The following TGS1 variants were observed in gnomAD, a reference collection of about 807,000 sequenced individuals.
TGS1 encodes trimethylguanosine synthase.
A neutral mutation model predicts 92.2 loss-of-function variants in TGS1; 69 were observed. The observed-to-expected ratio is 0.75, with a 90% CI of 0.62 to 0.91. The LOEUF (loss-of-function observed/expected upper bound fraction) is 0.91, where lower values mean the gene tolerates loss of function less well. Among genes scored for constraint, TGS1 ranks in the 40% least tolerant of loss-of-function variants. The probability of loss-of-function intolerance (pLI) is 0.00; values close to 1 mark genes in which losing one functional copy is unlikely to be tolerated. For synonymous variants in TGS1, 345 were observed against 338.1 expected, an observed-to-expected ratio of 1.02 and a Z score of -0.22; for missense variants, 1,062 against 1,001.2, an observed-to-expected ratio of 1.06 and a Z score of -0.82.
In TGS1 at chr8:55,777,609, G is replaced by A. The variant is rs183697543; in HGVS notation, c.101+3890G>A. Among the ~76,000 whole-genome samples, 472 of 151,334 alleles carry A rather than the reference G, an allele frequency of 3.1e-3. 4 individuals are homozygous for A. Among genetic ancestry groups the A allele is most frequent in the African/African-American group, 0.01 (418 of 41,206 alleles). On this transcript the variant is annotated intron_variant, in intron 1 of 12. Coordinates refer to ENST00000260129, the MANE Select transcript of TGS1 (RefSeq NM_024831.8). ...GGCTGGAGTGCAGTGGCATGATCTC[G>A]GCTCACTGCAACCTCTGCCTCCCAG...
intron 7 of TGS1, among the ~76,000 whole-genome samples, chr8:55,797,483 T>G (rs180750165): frequency 7.0e-4 from 107 of 152,320 alleles, no homozygotes; most frequent in African/African-American, 2.5e-3. Context: ...CAGCTTTATA[T>G]TATAAGCTTT....
rs1811835997 is a variant in TGS1 at position 55,790,186 on chromosome 8, A to G, written c.1167A>G (p.Ser389=). The change falls in exon 5 of 13, where the codon TCA becomes TCG. Residue 389 remains serine, a synonymous_variant. Transcript: ENST00000260129. ...NTNTDPPAED[S]QKSSGANTSK... ...GCAATATTTCTGCCTCTTTAGATTCACAGAAGTCTTCAGGAGCAAACACAA... is the reference window on the plus strand; with the variant it reads ...GCAATATTTCTGCCTCTTTAGATTCGCAGAAGTCTTCAGGAGCAAACACAA... 3.1e-6 allele frequency: 5 copies of G among 1,612,752 alleles called. No homozygotes were observed. In the African/African-American group the frequency reaches 6.7e-5, roughly 22 times the overall value.
At chr8:55,789,586 A>G (rs1372671673) in intron 4 of TGS1, among the ~76,000 whole-genome samples, 1 of 152,220 alleles carries the variant, frequency 6.6e-6, no homozygotes, top group Non-Finnish European at 1.5e-5. Context: ...TAAACCTGTT[A>G]AAAAACTTTA....
chr8:55,800,202 CAT>C (rs1432157848), intron 8 of TGS1, among the ~76,000 whole-genome samples: 2 of 151,768 alleles, frequency 1.3e-5, no homozygotes, highest in African/African-American at 4.8e-5. Context: ...CTTTTTATCA[CAT>C]ATTTCTTTAC....
chr8:55,798,901 C>T lies in TGS1; in HGVS notation c.1543-13C>T. The T allele has an allele frequency of 1.3e-6, 2 of 1,579,870 alleles. No individual in the cohort carries two copies. The highest frequency in any genetic ancestry group is 1.7e-6 in the Non-Finnish European group (2 of 1,163,472). On this transcript the variant is annotated splice_polypyrimidine_tract_variant and intron_variant, in intron 7 of 12. Transcript: ENST00000260129. ...AATTAATTCCTGCTCATGATGTCAT[C>T]TTAAAATTTAAGGTAGAAAAATTCC...
rs988913185 is a variant in TGS1 at position 55,811,020 on chromosome 8, C to G, written c.2283C>G (p.Phe761Leu). The G allele has an allele frequency of 3.7e-6, 6 of 1,613,988 alleles. No individual in the cohort carries two copies. In the African/African-American group the frequency reaches 8.0e-5, roughly 22 times the overall value. Residue 761 changes from phenylalanine to leucine, a missense_variant, in exon 11 of 13, where the codon TTC (phenylalanine) becomes TTG (leucine). Phe to Leu is a conservative substitution (Grantham distance 22, BLOSUM62 0). Transcript: ENST00000260129. Reference sequence around the variant, plus strand: ...CTTTTTTAAAGGCTGATGTTGTGTTCCTCAGCCCACCTTGGGGAGGGCCAG... The same window carrying G: ...CTTTTTTAAAGGCTGATGTTGTGTTGCTCAGCCCACCTTGGGGAGGGCCAG... ...LASFLKADVV[F>L]LSPPWGGPDY... is the part of the protein sequence containing the mutation.
At chr8:55,807,179 C>T (rs1290743571) in intron 10 of TGS1, among the ~76,000 whole-genome samples, 3 of 152,132 alleles carry the variant, frequency 2.0e-5, no homozygotes, top group Non-Finnish European at 2.9e-5. Context: ...CCTCCCGCCT[C>T]AGCCTCGCAA....
chr8:55,795,866 G>A, intron 6 of TGS1, 112 bp from the exon 7 acceptor site: 1 of 779,414 alleles, frequency 1.3e-6, no homozygotes, highest in Non-Finnish European at 2.1e-6. Context: ...TTTTAAAAAG[G>A]GAATTAAAAT....
At chr8:55,793,322 T>C (rs2130157966) in intron 6 of TGS1, among the ~76,000 whole-genome samples, 1 of 152,304 alleles carries the variant, frequency 6.6e-6, no homozygotes, top group Non-Finnish European at 1.5e-5. Context: ...GGAGACCCCA[T>C]CTCTACAACA....
rs1803563394 is a variant in TGS1, at chr8:55,819,153, G to A, written c.2440-5428G>A. ...GACAGGGTTTCACCATGTTGCCCAG[G>A]TTGGACTTCTAGGCTAAAGCAATCT... On this transcript the variant is annotated intron_variant, in intron 12 of 12. Coordinates refer to ENST00000260129, the MANE Select transcript of TGS1 (RefSeq NM_024831.8). 3.3e-5 allele frequency among the ~76,000 whole-genome samples: 5 copies of A among 152,240 alleles called. No homozygotes were observed. In the South Asian group the frequency reaches 1.0e-3, roughly 32 times the overall value.
At chr8:55,816,685 A>T (rs1803486197) in intron 12 of TGS1, among the ~76,000 whole-genome samples, 1 of 152,170 alleles carries the variant, frequency 6.6e-6, no homozygotes, top group African/African-American at 2.4e-5. Flanking sequence ...TCTGGCAGAC[A>T]TACTCCACCC....
intron 8 of TGS1, 84 bp downstream of exon 8, chr8:55,799,304 G>A (rs1405888106): frequency 3.1e-6 from 4 of 1,299,204 alleles, no homozygotes; most frequent in Non-Finnish European, 4.1e-6. Flanking sequence ...TTTCACTTGT[G>A]AATCTTCTGT....
chr8:55,806,342 G>A (rs1475528939), intron 10 of TGS1, among the ~76,000 whole-genome samples: 2 of 123,816 alleles, frequency 1.6e-5, no homozygotes, highest in African/African-American at 6.4e-5. Context: ...GGGCAACAGA[G>A]CGAGACTCCA....
At chr8:55,809,167 A>G (rs950562670) in intron 10 of TGS1, among the ~76,000 whole-genome samples, 1 of 152,172 alleles carries the variant, frequency 6.6e-6, no homozygotes, top group African/African-American at 2.4e-5. Context: ...CATATAGTTG[A>G]GGTTATTCCT....
chr8:55,785,064 TGTTTTTTG>T (rs1811669806), intron 2 of TGS1, among the ~76,000 whole-genome samples: 4 of 150,010 alleles, frequency 2.7e-5, no homozygotes, highest in African/African-American at 1.0e-4. Flanking sequence ...TTTTGTTTTT[TGTTTTTTG>T]TTTTTTTTTT....
At position 55,786,574 on chromosome 8, in the gene TGS1, G is replaced by A; in HGVS notation, c.676G>A (p.Glu226Lys). ...ACATCCGGGTCAAGCACTATCTTCT[G>A]AACCTTGGAACTTTCCTGATACAAA... ...EKHPGQALSSEPWNFPDTKEE... is the reference protein window; with the variant it reads ...EKHPGQALSSKPWNFPDTKEE... The change falls in exon 4 of 13, where the codon GAA (glutamate) becomes AAA (lysine). Residue 226 changes from glutamate (E) to lysine (K), a missense_variant. By Grantham distance (56) the Glu-to-Lys change is moderately conservative (BLOSUM62 1). Coordinates refer to ENST00000260129, the MANE Select transcript of TGS1 (RefSeq NM_024831.8). 1.2e-6 allele frequency: 2 copies of A among 1,614,178 alleles called. No individual in the cohort carries two copies. The highest frequency in any genetic ancestry group is 1.7e-6 in the Non-Finnish European group (2 of 1,180,018).
intron 12 of TGS1, among the ~76,000 whole-genome samples, 172 bp downstream of exon 12, chr8:55,813,290 G>A (rs1035698969): frequency 3.3e-5 from 5 of 152,134 alleles, no homozygotes; most frequent in African/African-American, 1.2e-4. Flanking sequence ...CTATTACATC[G>A]TCTTCATTTC....
At position 55,786,526 on chromosome 8, in the gene TGS1, T is replaced by C. The variant is rs1359379049; in HGVS notation, c.628T>C (p.Leu210=). 1.4e-5 allele frequency: 22 copies of C among 1,614,204 alleles called. No homozygotes were observed. The highest frequency in any genetic ancestry group is 1.1e-5 in the Non-Finnish European group (13 of 1,180,018). ...TTGGAATGAATATGGAGGAGGACTATTGTGGCAAAGTTGGCAAGAAAAACA... is the reference window on the plus strand; with the variant it reads ...TTGGAATGAATATGGAGGAGGACTACTGTGGCAAAGTTGGCAAGAAAAACA... The part of the protein sequence containing the change: ...KYWNEYGGGL[L]WQSWQEKHPG... Residue 210 remains leucine, a synonymous_variant, in exon 4 of 13, where the codon TTG becomes CTG. Transcript: ENST00000260129.
In TGS1 at chr8:55,821,331, C is replaced by T. The variant is rs527879696; in HGVS notation, c.2440-3250C>T. 6.6e-5 allele frequency among the ~76,000 whole-genome samples: 10 copies of T among 152,268 alleles called. No individual in the cohort carries two copies. The South Asian group carries it at 2.1e-3, about 32-fold the overall frequency. On this transcript the variant is annotated intron_variant, in intron 12 of 12. Coordinates refer to ENST00000260129, the MANE Select transcript of TGS1 (RefSeq NM_024831.8). ...GATTTCTTGTTTGTTTTTTGCTATA[C>T]TGCACTGCCTAGAACAGATACCTAT... is the stretch of plus-strand genomic sequence containing the variant.
Sources: allele counts gnomAD v4.1 joint callset (sites outside exome capture counted in the v4.1 genomes callset), GRCh38; gene constraint gnomAD v4.1.1; transcripts MANE v1.5; gene names NCBI Gene and HGNC (gene_info 2026-07-23, HGNC 2026-07-21).